The following ANKRD26 variants were observed in gnomAD, a reference collection of about 807,000 sequenced individuals.
ANKRD26 encodes the protein ankyrin repeat domain 26, also known as ankyrin repeat domain-containing protein 26.
Under a neutral mutation model 208.7 loss-of-function variants are expected in ANKRD26, and 141 were observed. That is an observed-to-expected ratio of 0.68 (90% confidence interval 0.59 to 0.78). ANKRD26 has a LOEUF of 0.78. ANKRD26 is among the 30% of genes least tolerant of loss of function. The pLI, the probability that ANKRD26 is intolerant of heterozygous loss-of-function variation, is 0.00. For missense variants in ANKRD26, 1,889 were observed against 1,938.7 expected (o/e 0.97, Z 0.48); for synonymous variants, 636 against 660.4 (o/e 0.96, Z 0.57).
At position 27,035,661 on chromosome 10, in the gene ANKRD26, G is replaced by A. The variant is rs1225701784; in HGVS notation, c.2789C>T (p.Thr930Ile). The A allele has an allele frequency of 6.3e-7, 1 of 1,589,998 alleles. No individual in the cohort carries two copies. The change falls in exon 24 of 34, where the codon ACA becomes ATA. Residue 930 changes from threonine (T) to isoleucine (I), a missense_variant. By Grantham distance (89) the Thr-to-Ile change is moderately conservative. Coordinates refer to ENST00000376087, the MANE Select transcript of ANKRD26 (RefSeq NM_014915.3). The stretch of plus-strand genomic sequence containing the variant: ...TTTTTCCTGGTTTTGATTTTTTATT[G>A]TGTCTATTTCTAGTCTTAGCATAGC... ...EIAMLRLEIDTIKNQNQEKEK... is the reference protein window; with the variant it reads ...EIAMLRLEIDIIKNQNQEKEK...
chr10:27,073,529 T>C (rs995281846), intron 9 of ANKRD26, among the ~76,000 whole-genome samples: 1 of 152,210 alleles, frequency 6.6e-6, no homozygotes, highest in East Asian at 1.9e-4. Flanking sequence ...TGCTTTCCTG[T>C]GGCTCCCTCC....
intron 3 of ANKRD26, among the ~76,000 whole-genome samples, 182 bp from the exon 4 acceptor site, chr10:27,092,694 C>G (rs1210969664): frequency 6.6e-6 from 1 of 152,158 alleles, no homozygotes; most frequent in Non-Finnish European, 1.5e-5. Context: ...ATCTCCAAAA[C>G]TCACTTCAAA....
chr10:26,969,898 G>T (rs999164537), downstream of ANKRD26, among the ~76,000 whole-genome samples: 1 of 150,754 alleles, frequency 6.6e-6, no homozygotes, highest in Non-Finnish European at 1.5e-5. Flanking sequence ...GCCGTGATGC[G>T]ATCTCGGCTC....
chr10:27,084,577 A>C (rs1051047295), intron 5 of ANKRD26, among the ~76,000 whole-genome samples: 1 of 152,088 alleles, frequency 6.6e-6, no homozygotes, highest in Non-Finnish European at 1.5e-5. Context: ...GTTATGGCGA[A>C]ACATTTCTGG....
downstream of ANKRD26, among the ~76,000 whole-genome samples, chr10:26,969,938 G>A (rs985323087): frequency 2.6e-5 from 4 of 151,536 alleles, no homozygotes; most frequent in East Asian, 1.9e-4. Context: ...AGGTTCAAGC[G>A]ATCTTCCTGC....
intron 6 of ANKRD26, chr10:27,080,088 C>G (rs1050975374): frequency 1.3e-5 from 5 of 395,022 alleles, no homozygotes; most frequent in Admixed American, 2.7e-5. Context: ...ACCCAGGAAG[C>G]AGAGATTGCA....
At chr10:27,037,407 C>A (rs1452076260) in intron 22 of ANKRD26, 84 bp from the exon 23 acceptor site, 3 of 1,460,380 alleles carry the variant, frequency 2.1e-6, no homozygotes, top group African/African-American at 2.8e-5. Flanking sequence ...AAACAAAAAA[C>A]TTATAAAAAG....
the ANKRD26 span, among the ~76,000 whole-genome samples, chr10:26,949,932 A>G: frequency 6.6e-6 from 1 of 152,116 alleles, no homozygotes; most frequent in Non-Finnish European, 1.5e-5. Flanking sequence ...TTTTTCACTT[A>G]CAATCTATTG....
intron 17 of ANKRD26, among the ~76,000 whole-genome samples, chr10:27,048,053 T>C (rs940144795): frequency 3.3e-5 from 5 of 152,142 alleles, no homozygotes; most frequent in Non-Finnish European, 5.9e-5. Flanking sequence ...TAACTACTTT[T>C]TTACGGTCTA....
At chr10:27,056,959 T>A (rs1473644411) in intron 15 of ANKRD26, among the ~76,000 whole-genome samples, 1 of 152,172 alleles carries the variant, frequency 6.6e-6, no homozygotes, top group Non-Finnish European at 1.5e-5. Context: ...CCAATAGTAA[T>A]CTTTCCTTTA....
chr10:27,100,083 A>T lies in ANKRD26; in HGVS notation c.242+2T>A. On this transcript the variant is annotated splice_donor_variant, in intron 1 of 33. Transcript: ENST00000376087. LOFTEE classifies it high-confidence loss of function. ...TCAGTCCGGGCTTGCGACGCCTATT[A>T]CCTGTTCATCTTGTCTCTATCGTTC... The T allele has an allele frequency of 6.2e-7, 1 of 1,613,794 alleles. No homozygotes were observed. The highest frequency in any genetic ancestry group is 1.3e-5 in the African/African-American group (1 of 75,022).
At chr10:27,056,139 G>A (rs1343240428) in intron 15 of ANKRD26, among the ~76,000 whole-genome samples, 3 of 152,230 alleles carry the variant, frequency 2.0e-5, no homozygotes, top group Non-Finnish European at 4.4e-5. Context: ...GTTACATAAG[G>A]AGAATAAACA....
At chr10:27,031,257 C>CA (rs2053856452) in intron 25 of ANKRD26, among the ~76,000 whole-genome samples, 1 of 152,130 alleles carries the variant, frequency 6.6e-6, no homozygotes, top group Non-Finnish European at 1.5e-5. Context: ...TTCATCGCAG[C>CA]ATTATTTACA....
chr10:27,014,259 A>AG (rs2053216611), intron 31 of ANKRD26, among the ~76,000 whole-genome samples: 1 of 152,092 alleles, frequency 6.6e-6, no homozygotes, highest in Non-Finnish European at 1.5e-5. Flanking sequence ...GATCCAGTTA[A>AG]CTACCTAAGA....
downstream of ANKRD26, among the ~76,000 whole-genome samples, chr10:26,972,047 A>T (rs930713851): frequency 1.3e-5 from 2 of 152,058 alleles, no homozygotes; most frequent in Non-Finnish European, 2.9e-5. Flanking sequence ...CATCCTGGCT[A>T]ACACGGTGAA....
intron 33 of ANKRD26, among the ~76,000 whole-genome samples, chr10:27,006,040 TCTGAAAA>T (rs1262822342): frequency 6.6e-6 from 1 of 152,020 alleles, no homozygotes; most frequent in African/African-American, 2.4e-5. Context: ...TATGCTATAA[TCTGAAAA>T]AAACAGACAA....
In ANKRD26 at chr10:27,017,691, T is replaced by C. The variant is rs1167672038; in HGVS notation, c.4317A>G (p.Thr1439=). 2.5e-6 allele frequency: 4 copies of C among 1,613,288 alleles called. No individual in the cohort carries two copies. Among genetic ancestry groups the C allele is most frequent in the Admixed American group, 1.7e-5 (1 of 59,926 alleles). ...ILQEELLSMK[T]VQKKCEKLQK... ...GTAGTTTTTCACATTTCTTTTGTAC[T>C]GTTTTCATAGATAACAACTCCTCTT... The change falls in exon 30 of 34, where the codon ACA becomes ACG. Residue 1439 remains threonine, a synonymous_variant. Coordinates refer to ENST00000376087, the MANE Select transcript of ANKRD26 (RefSeq NM_014915.3).
chr10:26,949,568 A>G, the ANKRD26 span, among the ~76,000 whole-genome samples: 1 of 152,112 alleles, frequency 6.6e-6, no homozygotes, highest in African/African-American at 2.4e-5. Context: ...TGCAGTGGCG[A>G]GATTTCGGCT....
Position 27,077,627 on chromosome 10 carries a change from G to C in ANKRD26, c.874+6C>G, listed in dbSNP as rs183196602. 6.2e-6 allele frequency: 10 copies of C among 1,613,382 alleles called. No individual in the cohort carries two copies. The African/African-American group carries it at 1.1e-4, about 17-fold the overall frequency. ...CACAAGAATAAGCAGTTTTCAAACAGCTTACAATTTTTCCTGGATTGCTGA... is the reference window on the plus strand; with the variant it reads ...CACAAGAATAAGCAGTTTTCAAACACCTTACAATTTTTCCTGGATTGCTGA... On this transcript the variant is annotated splice_donor_region_variant and intron_variant, in intron 8 of 33. Transcript: ENST00000376087.
Sources: allele counts gnomAD v4.1 joint callset (sites outside exome capture counted in the v4.1 genomes callset), GRCh38; gene constraint gnomAD v4.1.1; transcripts MANE v1.5; gene names NCBI Gene and HGNC (gene_info 2026-07-23, HGNC 2026-07-21).